The following ATP13A5 variants were observed in gnomAD, a reference collection of about 807,000 sequenced individuals.
The protein encoded by ATP13A5 is probable cation-transporting ATPase 13A5.
Under a neutral mutation model 150.2 loss-of-function variants are expected in ATP13A5, and 149 were observed. The ratio of observed to expected loss-of-function variants is 0.99; its 90% confidence interval spans 0.87 to 1.14. The LOEUF (loss-of-function observed/expected upper bound fraction) is 1.14, where lower values mean the gene tolerates loss of function less well. Among genes scored for constraint, ATP13A5 ranks in the 50% most tolerant of loss-of-function variants. The pLI is 0.00. For synonymous variants in ATP13A5, 497 were observed against 522.2 expected (o/e 0.95, Z 0.66); for missense variants, 1,383 against 1,449.3 (o/e 0.95, Z 0.74).
chr3:193,333,738 C>G lies in ATP13A5; in HGVS notation c.1272+12G>C, dbSNP rs2108874846. 3.7e-6 allele frequency: 6 copies of G among 1,611,932 alleles called. No homozygotes were observed. Among genetic ancestry groups the G allele is most frequent in the East Asian group, 4.5e-5 (2 of 44,854 alleles). On this transcript the variant is annotated intron_variant, in intron 11 of 29. Coordinates refer to ENST00000342358, the MANE Select transcript of ATP13A5 (RefSeq NM_198505.4). ...ATCTATACTATTGAAAAGCCTTACC[C>G]CCAGTACTTACTCCATGGTACATAT...
At chr3:193,360,759 C>T (rs1434003681) in intron 5 of ATP13A5, among the ~76,000 whole-genome samples, 1 of 152,112 alleles carries the variant, frequency 6.6e-6, no homozygotes, top group East Asian at 1.9e-4. Context: ...TCTCTGCAAC[C>T]TCCGCCTCCC....
intron 1 of ATP13A5, among the ~76,000 whole-genome samples, chr3:193,375,947 C>G (rs144971357): frequency 1.3e-5 from 2 of 152,154 alleles, no homozygotes; most frequent in African/African-American, 4.8e-5. Flanking sequence ...GTGACTCTCA[C>G]GATCACAACG....
In ATP13A5 at chr3:193,325,378, T is replaced by C. The variant is rs372822260; in HGVS notation, c.1524-364A>G. ...TGTTTTGCCTACAGAGTTATCTTTA[T>C]ATAAACATTTCTTTGAGTTGGATAT... On this transcript the variant is annotated intron_variant, in intron 13 of 29. Transcript: ENST00000342358. Among the ~76,000 whole-genome samples the C allele has an allele frequency of 4.6e-5, 7 of 152,374 alleles. No homozygotes were observed. In the South Asian group the frequency reaches 1.4e-3, roughly 32 times the overall value.
chr3:193,311,717 T>G, intron 20 of ATP13A5, 99 bp downstream of exon 20: 3 of 1,510,144 alleles, frequency 2.0e-6, no homozygotes, highest in Non-Finnish European at 2.7e-6. Flanking sequence ...TCTCTAACTG[T>G]GAGGCAACCT....
At chr3:193,322,894 A>C (rs2108864172) in intron 14 of ATP13A5, among the ~76,000 whole-genome samples, 1 of 152,348 alleles carries the variant, frequency 6.6e-6, no homozygotes, top group South Asian at 2.1e-4. Flanking sequence ...GTGGAGATGT[A>C]GTCTCCAACA....
chr3:193,276,152 G>T (rs528403423), intron 29 of ATP13A5, among the ~76,000 whole-genome samples: 3 of 152,166 alleles, frequency 2.0e-5, no homozygotes, highest in Non-Finnish European at 4.4e-5. Flanking sequence ...TTTAAAATTT[G>T]GTTGATCCCT....
chr3:193,302,780 T>C (rs1178626319), intron 23 of ATP13A5, among the ~76,000 whole-genome samples: 1 of 152,224 alleles, frequency 6.6e-6, no homozygotes, highest in Non-Finnish European at 1.5e-5. Flanking sequence ...TCTAAAACTG[T>C]ATCTCATTGC....
chr3:193,342,491 C>G (rs1433562833), intron 9 of ATP13A5, among the ~76,000 whole-genome samples: 1 of 152,206 alleles, frequency 6.6e-6, no homozygotes. Flanking sequence ...GTCTCTGAAA[C>G]TGGCCTCTAT....
At chr3:193,278,858 G>A (rs1170248310) in intron 28 of ATP13A5, among the ~76,000 whole-genome samples, 1 of 152,016 alleles carries the variant, frequency 6.6e-6, no homozygotes, top group Non-Finnish European at 1.5e-5. Flanking sequence ...CTCACAATAC[G>A]GGGTCCAAGA....
intron 2 of ATP13A5, 143 bp downstream of exon 2, chr3:193,363,964 T>G: frequency 1.1e-6 from 1 of 905,298 alleles, no homozygotes; most frequent in South Asian, 2.1e-5. Flanking sequence ...TTGCCGTATT[T>G]TCTCCTGTTT....
At chr3:193,367,782 A>G (rs1351071229) in intron 1 of ATP13A5, among the ~76,000 whole-genome samples, 1 of 152,288 alleles carries the variant, frequency 6.6e-6, no homozygotes, top group East Asian at 1.9e-4. Context: ...CCAATACATG[A>G]TTTAAAAAAT....
intron 11 of ATP13A5, among the ~76,000 whole-genome samples, chr3:193,331,863 A>G (rs1189589841): frequency 6.6e-6 from 1 of 152,206 alleles, no homozygotes; most frequent in African/African-American, 2.4e-5. Context: ...TCCATTTAAC[A>G]GGTAAGGAAA....
At chr3:193,311,963 T>G (rs1210627792) in intron 19 of ATP13A5, 22 bp from the exon 20 acceptor site, 1 of 1,612,764 alleles carries the variant, frequency 6.2e-7, no homozygotes, top group Non-Finnish European at 8.5e-7. Flanking sequence ...AGGGCATCAT[T>G]TCTACATTGA....
intron 26 of ATP13A5, among the ~76,000 whole-genome samples, chr3:193,287,209 A>T (rs1264982236): frequency 1.3e-5 from 2 of 152,162 alleles, no homozygotes; most frequent in African/African-American, 4.8e-5. Flanking sequence ...TTGATGTAGC[A>T]GCTGCAGCAA....
At chr3:193,337,136 A>G (rs549428026) in intron 9 of ATP13A5, among the ~76,000 whole-genome samples, 1 of 152,300 alleles carries the variant, frequency 6.6e-6, no homozygotes, top group South Asian at 2.1e-4. Context: ...TCTGGATATT[A>G]GCCCTTTGTC....
At chr3:193,296,952 G>T (rs1718198344) in intron 25 of ATP13A5, among the ~76,000 whole-genome samples, 1 of 151,998 alleles carries the variant, frequency 6.6e-6, no homozygotes, top group African/African-American at 2.4e-5. Flanking sequence ...AAAACACGCT[G>T]GGGCCTGTTG....
chr3:193,292,948 C>T (rs892203501), intron 25 of ATP13A5, among the ~76,000 whole-genome samples: 1 of 152,104 alleles, frequency 6.6e-6, no homozygotes, highest in Non-Finnish European at 1.5e-5. Flanking sequence ...AATTTTATAG[C>T]TACCATTGTA....
rs181665065 is a variant in ATP13A5 at position 193,278,121 on chromosome 3, T to C, written c.3315+1245A>G. Among the ~76,000 whole-genome samples, 37 of 152,314 alleles carry C rather than the reference T, an allele frequency of 2.4e-4. 1 individual carries two copies. The South Asian group carries it at 2.5e-3, about 10-fold the overall frequency. On this transcript the variant is annotated intron_variant, in intron 28 of 29. Transcript: ENST00000342358. Reference sequence around the variant, plus strand: ...GCCTGACCCTGGAATTATTTATTTATGCAATGGTCTTCTCCCCTAGCTTCT... The same window carrying C: ...GCCTGACCCTGGAATTATTTATTTACGCAATGGTCTTCTCCCCTAGCTTCT...
intron 26 of ATP13A5, among the ~76,000 whole-genome samples, chr3:193,287,070 A>G (rs1161760156): frequency 3.3e-5 from 5 of 152,136 alleles, no homozygotes; most frequent in African/African-American, 4.8e-5. Flanking sequence ...ACTCCCTTCA[A>G]TTCTTTGAAG....
Sources: allele counts gnomAD v4.1 joint callset (sites outside exome capture counted in the v4.1 genomes callset), GRCh38; gene constraint gnomAD v4.1.1; transcripts MANE v1.5; gene names NCBI Gene and HGNC (gene_info 2026-07-23, HGNC 2026-07-21).